Variants in PLA2R1 observed in about 807,000 individuals in gnomAD.
PLA2R1 encodes secretory phospholipase A2 receptor.
PLA2R1 carries 158 observed loss-of-function variants against 195.9 expected under a neutral mutation model. That is an observed-to-expected ratio of 0.81 (90% CI 0.71 to 0.92). The LOEUF is 0.92. Among genes scored for constraint, PLA2R1 ranks in the 40% least tolerant of loss-of-function variants. The pLI is 0.00. For synonymous variants in PLA2R1, 586 were observed against 598.2 expected, an observed-to-expected ratio of 0.98 and a Z score of 0.30; for missense variants, 1,626 against 1,764.6, an observed-to-expected ratio of 0.92 and a Z score of 1.41.
At chr2:160,055,752 T>A (rs1324324089) in intron 1 of PLA2R1, among the ~76,000 whole-genome samples, 1 of 152,240 alleles carries the variant, frequency 6.6e-6, no homozygotes, top group Non-Finnish European at 1.5e-5. Context: ...GTTGCCTACC[T>A]GTTTTGGTGA....
intron 3 of PLA2R1, among the ~76,000 whole-genome samples, chr2:160,035,596 A>G (rs1199546374): frequency 6.6e-6 from 1 of 152,090 alleles, no homozygotes; most frequent in African/African-American, 2.4e-5. Context: ...CATCTCTTCT[A>G]TTGCTAAATT....
chr2:160,006,631 C>A (rs1206296275), intron 10 of PLA2R1, among the ~76,000 whole-genome samples: 2 of 152,172 alleles, frequency 1.3e-5, no homozygotes, highest in Non-Finnish European at 1.5e-5. Flanking sequence ...TAGCATTGAA[C>A]CTTTCAGCTA....
chr2:159,977,326 G>T lies in PLA2R1; in HGVS notation c.2359C>A (p.His787Asn). The T allele has an allele frequency of 6.2e-7, 1 of 1,612,766 alleles. No homozygotes were observed. Among genetic ancestry groups the T allele is most frequent in the Non-Finnish European group, 8.5e-7 (1 of 1,178,844 alleles). ...ATCCATTCACGTTTGGAACCACAGT[G>T]TAAGGGCAGCAATGTTTTGTTTGCC... is the stretch of plus-strand genomic sequence containing the variant. ...YKANKTLLPL[H>N]CGSKREWICK... is the part of the protein sequence containing the mutation. Residue 787 changes from histidine (H) to asparagine (N), a missense_variant, in exon 15 of 30, where the codon CAC becomes AAC. Transcript: ENST00000283243.
intron 14 of PLA2R1, among the ~76,000 whole-genome samples, chr2:159,979,030 T>C (rs1016555916): frequency 6.6e-6 from 1 of 152,208 alleles, no homozygotes; most frequent in African/African-American, 2.4e-5. Flanking sequence ...AATGAGATCA[T>C]GTAGGAGTGC....
In PLA2R1 at chr2:160,005,692, G is replaced by A. The variant is rs199671684; in HGVS notation, c.1794C>T (p.Pro598=). 98 of 1,613,910 alleles carry A rather than the reference G, an allele frequency of 6.1e-5. 1 individual carries two copies. The South Asian group carries it at 8.6e-4, about 14-fold the overall frequency. The part of the protein sequence containing the change: ...EYTWKPVGQK[P]EPVQYTHWNT... ...TCCAGTGTGTGTACTGCACCGGCTC[G>A]GGTTTCTGCCCTACTGGCTTCCAAG... The change falls in exon 11 of 30, where the codon CCC becomes CCT. Residue 598 remains proline (P), a synonymous_variant. Transcript: ENST00000283243.
intron 27 of PLA2R1, chr2:159,946,583 G>C: frequency 1.6e-6 from 2 of 1,246,464 alleles, no homozygotes; most frequent in Non-Finnish European, 2.0e-6. Context: ...ACATGTTATT[G>C]TTTGTTTTTA....
intron 10 of PLA2R1, among the ~76,000 whole-genome samples, chr2:160,008,325 C>T (rs987971881): frequency 2.0e-5 from 3 of 152,024 alleles, no homozygotes; most frequent in African/African-American, 7.2e-5. Flanking sequence ...AAAAACAAAA[C>T]AAAAAACCAG....
chr2:160,013,444 A>G (rs1692498079), intron 9 of PLA2R1, 69 bp from the exon 10 acceptor site: 2 of 874,564 alleles, frequency 2.3e-6, no homozygotes, highest in East Asian at 2.5e-5. Context: ...ATATTTTTGC[A>G]TACTCTTTTA....
downstream of PLA2R1, among the ~76,000 whole-genome samples, chr2:159,927,072 G>A (rs1200421114): frequency 2.0e-5 from 3 of 152,180 alleles, no homozygotes; most frequent in African/African-American, 4.8e-5. Flanking sequence ...ATCATCTGAG[G>A]CACAGAGCAG....
Position 160,042,182 on chromosome 2 carries a change from T to C in PLA2R1, c.510A>G (p.Lys170=). 6.2e-7 allele frequency: 1 copy of C among 1,613,378 alleles called. No individual in the cohort carries two copies. The highest frequency in any genetic ancestry group is 8.5e-7 in the Non-Finnish European group (1 of 1,179,446). The change falls in exon 3 of 30, where the codon AAA becomes AAG. Residue 170 remains lysine, a synonymous_variant. Transcript: ENST00000283243. ...TACACGGCATCCCGTGGGTGTTCCC[T>C]TTGATTGTATGCAAATCTAGGAGAA... The part of the protein sequence containing the change: ...EYLHKDLHTI[K]GNTHGMPCMF...
At position 160,044,863 on chromosome 2, in the gene PLA2R1, T is replaced by C; in HGVS notation, c.404A>G (p.Asp135Gly). The change falls in exon 2 of 30, where the codon GAC (aspartate) becomes GGC (glycine). Residue 135 changes from aspartate (D) to glycine (G), a missense_variant. Coordinates refer to ENST00000283243, the MANE Select transcript of PLA2R1 (RefSeq NM_007366.5). ...CTTCCGTGAGGCCACCACTGTGTTG[T>C]CATGCGCCACCTGGACAGAGTACTG... Reference protein sequence around the residue: ...PLQYSVQVAHDNTVVASRKYI... With the variant: ...PLQYSVQVAHGNTVVASRKYI... 6.2e-7 allele frequency: 1 copy of C among 1,614,152 alleles called. No homozygotes were observed. The highest frequency in any genetic ancestry group is 2.2e-5 in the East Asian group (1 of 44,894).
At chr2:160,042,635 G>C (rs568520963) in intron 2 of PLA2R1, among the ~76,000 whole-genome samples, 9 of 151,964 alleles carry the variant, frequency 5.9e-5, no homozygotes, top group African/African-American at 2.2e-4. Flanking sequence ...TCAGTACTGG[G>C]GATACAACAG....
chr2:160,011,985 T>G (rs1692396541), intron 10 of PLA2R1, among the ~76,000 whole-genome samples: 2 of 152,146 alleles, frequency 1.3e-5, no homozygotes, highest in Non-Finnish European at 1.5e-5. Context: ...TGTGTGTGTA[T>G]GCATTCCTGT....
chr2:160,005,110 T>G (rs1298451171), intron 11 of PLA2R1, among the ~76,000 whole-genome samples: 1 of 152,170 alleles, frequency 6.6e-6, no homozygotes, highest in African/African-American at 2.4e-5. Flanking sequence ...TCCTGAGCGA[T>G]GAATTTATAC....
intron 3 of PLA2R1, among the ~76,000 whole-genome samples, chr2:160,037,542 G>A (rs762588416): frequency 1.3e-5 from 2 of 152,162 alleles, no homozygotes; most frequent in Non-Finnish European, 2.9e-5. Context: ...CACTGACATT[G>A]TTTGGAATGG....
At chr2:159,930,731 C>A (rs1055233536), downstream of PLA2R1, among the ~76,000 whole-genome samples, 1 of 152,132 alleles carries the variant, frequency 6.6e-6, no homozygotes, top group African/African-American at 2.4e-5. Context: ...ACAGGGATGT[C>A]CTTGGAACCC....
chr2:159,972,418 C>T (rs932080760), intron 17 of PLA2R1, among the ~76,000 whole-genome samples: 5 of 152,184 alleles, frequency 3.3e-5, no homozygotes, highest in Non-Finnish European at 7.3e-5. Context: ...TTTATAACAT[C>T]AACTATGTTT....
chr2:159,996,032 TTGC>T (rs1258936522), intron 11 of PLA2R1, among the ~76,000 whole-genome samples: 1 of 152,138 alleles, frequency 6.6e-6, no homozygotes, highest in African/African-American at 2.4e-5. Flanking sequence ...TCTGAATATA[TTGC>T]TGCTATTATT....
chr2:159,989,657 A>G (rs1690622212), intron 11 of PLA2R1, among the ~76,000 whole-genome samples: 1 of 152,224 alleles, frequency 6.6e-6, no homozygotes, highest in African/African-American at 2.4e-5. Flanking sequence ...TTTCATGAAG[A>G]TCAAATGAAA....
Sources: gnomAD v4.1 joint callset for allele counts (sites outside exome capture counted in the v4.1 genomes callset) on GRCh38, gnomAD v4.1.1 for gene constraint, MANE v1.5 for transcripts, NCBI Gene and HGNC (gene_info 2026-07-23, HGNC 2026-07-21) for gene names.